The following ELAVL2 variants were observed in gnomAD, a reference collection of about 807,000 sequenced individuals.
The protein encoded by ELAVL2 is ELAV-like protein 2.
A neutral mutation model predicts 34.6 loss-of-function variants in ELAVL2; 4 were observed. That is an observed-to-expected ratio of 0.12 (90% CI 0.06 to 0.26). The LOEUF is 0.26. Ranked by LOEUF, ELAVL2 falls within the 10% of genes least tolerant of loss-of-function variation. The pLI is 1.00. For missense variants in ELAVL2, 432 were observed against 442.8 expected (o/e 0.98, Z 0.22); for synonymous variants, 193 against 154.8 (o/e 1.25, Z -1.83).
At chr9:23,748,944 C>A (rs1381645664) in intron 2 of ELAVL2, among the ~76,000 whole-genome samples, 1 of 151,860 alleles carries the variant, frequency 6.6e-6, no homozygotes, top group East Asian at 1.9e-4. Context: ...CATAGAGACA[C>A]AGAAAATATA....
chr9:23,695,245 T>C (rs554773620), intron 5 of ELAVL2, among the ~76,000 whole-genome samples: 2 of 152,332 alleles, frequency 1.3e-5, no homozygotes, highest in African/African-American at 4.8e-5. Flanking sequence ...CAGAATGCAT[T>C]TGGCATATGC....
chr9:23,832,619 G>A, the ELAVL2 span, among the ~76,000 whole-genome samples: 1 of 152,146 alleles, frequency 6.6e-6, no homozygotes, highest in African/African-American at 2.4e-5. Flanking sequence ...TGGATAGCAA[G>A]TATGAGAAGA....
chr9:23,765,640 C>T (rs926765207), intron 1 of ELAVL2, among the ~76,000 whole-genome samples: 1 of 152,080 alleles, frequency 6.6e-6, no homozygotes, highest in Non-Finnish European at 1.5e-5. Flanking sequence ...AAAAGTGAAT[C>T]GAAACCCTGT....
At chr9:23,775,097 T>C (rs546139461) in intron 1 of ELAVL2, among the ~76,000 whole-genome samples, 18 of 152,336 alleles carry the variant, frequency 1.2e-4, no homozygotes, top group African/African-American at 3.8e-4. Context: ...TGAGTATCTT[T>C]TGCTACAGTA....
chr9:23,780,208 A>T (rs980873539), intron 1 of ELAVL2, among the ~76,000 whole-genome samples: 1 of 152,014 alleles, frequency 6.6e-6, no homozygotes, highest in African/African-American at 2.4e-5. Flanking sequence ...TGGTATTAAT[A>T]GTAAATTATA....
At chr9:23,728,461 G>A (rs2045787225) in intron 3 of ELAVL2, among the ~76,000 whole-genome samples, 1 of 152,070 alleles carries the variant, frequency 6.6e-6, no homozygotes, top group South Asian at 2.1e-4. Flanking sequence ...AGTGGAGAAC[G>A]GCAATAGCAC....
intron 2 of ELAVL2, among the ~76,000 whole-genome samples, chr9:23,742,409 C>T (rs1401452621): frequency 6.6e-6 from 1 of 152,094 alleles, no homozygotes; most frequent in Non-Finnish European, 1.5e-5. Flanking sequence ...ATTACACATG[C>T]CTTGTGAATG....
rs1038294953 is a variant in ELAVL2, at chr9:23,691,363, A to G, written c.*1194T>C. Reference sequence around the variant, plus strand: ...TAACTTTCAAAATACCTTCAAATATATCCAACTCAGATCACTTTTGCTGAT... The same window carrying G: ...TAACTTTCAAAATACCTTCAAATATGTCCAACTCAGATCACTTTTGCTGAT... On this transcript the variant is annotated 3_prime_UTR_variant, in exon 7 of 7. Transcript: ENST00000397312. 8 of 152,540 alleles carry G rather than the reference A, an allele frequency of 5.2e-5. No homozygotes were observed. The highest frequency in any genetic ancestry group is 4.6e-4 in the Admixed American group (7 of 15,264). The allele number at this position is 152,540 out of a possible 1,614,324, so 9.4% of individuals were successfully genotyped here.
At chr9:23,777,408 T>A (rs1411926421) in intron 1 of ELAVL2, among the ~76,000 whole-genome samples, 3 of 152,114 alleles carry the variant, frequency 2.0e-5, no homozygotes, top group African/African-American at 7.2e-5. Context: ...CGATTCTGAG[T>A]GCCAGTCTCT....
At chr9:23,767,439 T>G (rs1009072519) in intron 1 of ELAVL2, among the ~76,000 whole-genome samples, 2 of 152,184 alleles carry the variant, frequency 1.3e-5, no homozygotes, top group African/African-American at 4.8e-5. Context: ...TTCTTCACTA[T>G]TTTCAAACCT....
chr9:23,767,498 A>AATT (rs2056520358), intron 1 of ELAVL2, among the ~76,000 whole-genome samples: 1 of 152,196 alleles, frequency 6.6e-6, no homozygotes, highest in Non-Finnish European at 1.5e-5. Context: ...CATCTTAAAT[A>AATT]GGCCAGACTC....
At chr9:23,737,231 G>A (rs75479489) in intron 2 of ELAVL2, among the ~76,000 whole-genome samples, 1,992 of 152,286 alleles carry the variant, frequency 0.013, 41 homozygotes, top group African/African-American at 0.041. Context: ...AAATGAAGGA[G>A]CAGCAGCATC....
At chr9:23,694,904 C>G (rs190987234) in intron 5 of ELAVL2, among the ~76,000 whole-genome samples, 1 of 152,088 alleles carries the variant, frequency 6.6e-6, no homozygotes, top group African/African-American at 2.4e-5. Context: ...TGACCCACCA[C>G]CCTCTCATTG....
At chr9:23,780,207 T>C (rs1283483818) in intron 1 of ELAVL2, among the ~76,000 whole-genome samples, 3 of 152,082 alleles carry the variant, frequency 2.0e-5, no homozygotes, top group Non-Finnish European at 4.4e-5. Flanking sequence ...TTGGTATTAA[T>C]AGTAAATTAT....
chr9:23,697,723 A>G lies in ELAVL2; in HGVS notation c.713+3656T>C, dbSNP rs2035754593. On this transcript the variant is annotated intron_variant, in intron 5 of 6. Transcript: ENST00000397312. ...AAAATAAAAATAAAGTACCTGCCTA[A>G]TTTCTAAAAAAATTAGCTGATGGAC... 2.0e-5 allele frequency among the ~76,000 whole-genome samples: 3 copies of G among 152,310 alleles called. No individual in the cohort carries two copies. The South Asian group carries it at 6.2e-4, about 32-fold the overall frequency.
At chr9:23,725,697 A>T (rs534208800) in intron 3 of ELAVL2, among the ~76,000 whole-genome samples, 11 of 152,174 alleles carry the variant, frequency 7.2e-5, no homozygotes, top group Non-Finnish European at 1.5e-4. Context: ...CCCCATATAA[A>T]GTTTACAGTG....
intron 2 of ELAVL2, 69 bp from the exon 3 acceptor site, chr9:23,731,194 T>G: frequency 7.2e-7 from 1 of 1,390,574 alleles, no homozygotes; most frequent in Non-Finnish European, 9.8e-7. Context: ...ACTTTCATTT[T>G]GGCATATGGT....
At chr9:23,727,359 A>G (rs1394448765) in intron 3 of ELAVL2, among the ~76,000 whole-genome samples, 2 of 152,136 alleles carry the variant, frequency 1.3e-5, no homozygotes, top group Non-Finnish European at 2.9e-5. Flanking sequence ...GTTTTTTTAT[A>G]AGCAAAGGCT....
intron 3 of ELAVL2, among the ~76,000 whole-genome samples, chr9:23,712,409 A>T (rs373581133): frequency 6.6e-6 from 1 of 152,212 alleles, no homozygotes; most frequent in South Asian, 2.1e-4. Flanking sequence ...TTTGCTACAT[A>T]GAATATTTTC....
Sources: allele counts gnomAD v4.1 joint callset (sites outside exome capture counted in the v4.1 genomes callset), GRCh38; gene constraint gnomAD v4.1.1; transcripts MANE v1.5; gene names NCBI Gene and HGNC (gene_info 2026-07-23, HGNC 2026-07-21).